The following LINGO2 variants were observed in gnomAD, a reference collection of about 807,000 sequenced individuals.
The protein encoded by LINGO2 is leucine-rich repeat and immunoglobulin-like domain-containing nogo receptor-interacting protein 2.
In LINGO2, 14 loss-of-function variants were observed where a neutral mutation model predicts 30.6. The observed-to-expected ratio is 0.46, with a 90% CI of 0.30 to 0.72. The LOEUF (loss-of-function observed/expected upper bound fraction) is 0.72, where lower values mean the gene tolerates loss of function less well. Among genes scored for constraint, LINGO2 ranks in the 30% least tolerant of loss-of-function variants. LINGO2 has a pLI of 0.07. For missense variants in LINGO2, 729 were observed against 751.7 expected (o/e 0.97, Z 0.35); for synonymous variants, 317 against 288.5 (o/e 1.10, Z -1.00).
At chr9:28,864,192 C>T in the LINGO2 span, among the ~76,000 whole-genome samples, 2 of 152,068 alleles carry the variant, frequency 1.3e-5, no homozygotes, top group African/African-American at 4.8e-5. Flanking sequence ...ATGACACAAG[C>T]TTACCAATGT....
intron 4 of LINGO2, among the ~76,000 whole-genome samples, chr9:28,014,188 A>G (rs1042102824): frequency 8.5e-5 from 13 of 152,174 alleles, no homozygotes; most frequent in African/African-American, 3.1e-4. Flanking sequence ...GCGCTCGAGC[A>G]TTTGGAAAAT....
intron 2 of LINGO2, among the ~76,000 whole-genome samples, chr9:28,442,435 G>A (rs1293282358): frequency 1.3e-5 from 2 of 151,968 alleles, no homozygotes; most frequent in East Asian, 3.9e-4. Context: ...ATCACACTGT[G>A]CCATGTAAAT....
rs111726909 is a variant in LINGO2 at position 28,027,742 on chromosome 9, C to T, written c.-86-15337G>A. On this transcript the variant is annotated intron_variant, in intron 4 of 5. Transcript: ENST00000379992. ...ATAAAGTATTTAGCACAATGAAACA[C>T]GTCATGTCTGCTTAGTAGATAAGAG... Among the ~76,000 whole-genome samples, 85 of 152,302 alleles carry T rather than the reference C, an allele frequency of 5.6e-4. 1 individual carries two copies. Among genetic ancestry groups the T allele is most frequent in the African/African-American group, 2.0e-3 (82 of 41,572 alleles).
chr9:28,819,219 A>C, the LINGO2 span, among the ~76,000 whole-genome samples: 1 of 151,922 alleles, frequency 6.6e-6, no homozygotes, highest in South Asian at 2.1e-4. Flanking sequence ...ATACTTGTCA[A>C]CCTCCTCGCT....
intron 4 of LINGO2, among the ~76,000 whole-genome samples, chr9:28,023,640 AT>A (rs1823241251): frequency 6.6e-6 from 1 of 152,196 alleles, no homozygotes; most frequent in South Asian, 2.1e-4. Flanking sequence ...AGTCAGAGAA[AT>A]ATATCTTTCT....
chr9:28,135,866 T>G (rs1175860760), intron 4 of LINGO2, among the ~76,000 whole-genome samples: 1 of 152,174 alleles, frequency 6.6e-6, no homozygotes, highest in Non-Finnish European at 1.5e-5. Context: ...TTCACAGCCC[T>G]TATCTCAAAC....
At chr9:28,865,454 G>A in the LINGO2 span, among the ~76,000 whole-genome samples, 76 of 152,104 alleles carry the variant, frequency 5.0e-4, no homozygotes, top group Admixed American at 1.1e-3. Context: ...TACTAGTTGG[G>A]TGGAATACAT....
the LINGO2 span, among the ~76,000 whole-genome samples, chr9:28,847,511 C>A: frequency 6.8e-6 from 1 of 146,860 alleles, no homozygotes; most frequent in Non-Finnish European, 1.5e-5. Flanking sequence ...TTTCTTCCTT[C>A]ACATGCCTTT....
At chr9:29,112,062 A>C in the LINGO2 span, among the ~76,000 whole-genome samples, 1 of 151,636 alleles carries the variant, frequency 6.6e-6, no homozygotes, top group Non-Finnish European at 1.5e-5. Context: ...TACATATGAT[A>C]TATAATATGT....
At chr9:28,760,895 T>G in the LINGO2 span, among the ~76,000 whole-genome samples, 3 of 149,452 alleles carry the variant, frequency 2.0e-5, no homozygotes, top group East Asian at 5.9e-4. Flanking sequence ...TATATATGTG[T>G]ATATATATGT....
intron 1 of LINGO2, among the ~76,000 whole-genome samples, chr9:28,599,627 T>G (rs937139859): frequency 1.3e-5 from 2 of 152,158 alleles, no homozygotes; most frequent in African/African-American, 4.8e-5. Flanking sequence ...GTTTAACTAC[T>G]TTTCTTCTCT....
At chr9:28,732,420 C>G in the LINGO2 span, among the ~76,000 whole-genome samples, 1 of 151,158 alleles carries the variant, frequency 6.6e-6, no homozygotes, top group Non-Finnish European at 1.5e-5. Context: ...TAAAACCACA[C>G]AAGTAAACAA....
At chr9:28,541,887 T>C (rs1034005260) in intron 1 of LINGO2, among the ~76,000 whole-genome samples, 12 of 152,086 alleles carry the variant, frequency 7.9e-5, no homozygotes, top group African/African-American at 2.7e-4. Context: ...TGGAAACATA[T>C]CTTAGTAACT....
At chr9:28,959,173 G>T in the LINGO2 span, among the ~76,000 whole-genome samples, 5 of 150,250 alleles carry the variant, frequency 3.3e-5, no homozygotes, top group African/African-American at 1.2e-4. Flanking sequence ...TTTTGAAATC[G>T]CTGGATTGGA....
At chr9:28,321,833 G>C (rs1459912147) in intron 3 of LINGO2, among the ~76,000 whole-genome samples, 1 of 152,022 alleles carries the variant, frequency 6.6e-6, no homozygotes, top group Non-Finnish European at 1.5e-5. Flanking sequence ...CCAATGAAGA[G>C]ATAGTTTCCC....
At chr9:28,258,226 T>C (rs998280909) in intron 4 of LINGO2, among the ~76,000 whole-genome samples, 2 of 151,926 alleles carry the variant, frequency 1.3e-5, no homozygotes, top group Non-Finnish European at 2.9e-5. Flanking sequence ...ATAGGACTTA[T>C]ATGTTCACTG....
chr9:28,475,429 T>G (rs1825690633), intron 2 of LINGO2, among the ~76,000 whole-genome samples: 1 of 152,176 alleles, frequency 6.6e-6, no homozygotes, highest in Non-Finnish European at 1.5e-5. Flanking sequence ...AGTCACATCA[T>G]CTGTTAATAG....
At chr9:28,212,571 TATAC>T (rs1287881572) in intron 4 of LINGO2, among the ~76,000 whole-genome samples, 2 of 151,464 alleles carry the variant, frequency 1.3e-5, no homozygotes, top group African/African-American at 4.8e-5. Flanking sequence ...TCTATATACA[TATAC>T]ATACACATGC....
At chr9:28,528,362 G>A (rs544019581) in intron 1 of LINGO2, among the ~76,000 whole-genome samples, 13 of 152,228 alleles carry the variant, frequency 8.5e-5, no homozygotes, top group African/African-American at 2.9e-4. Context: ...TTGACTGAAG[G>A]AGGTCTATGG....
Sources: allele counts gnomAD v4.1 joint callset (sites outside exome capture counted in the v4.1 genomes callset), GRCh38; gene constraint gnomAD v4.1.1; transcripts MANE v1.5; gene names NCBI Gene and HGNC (gene_info 2026-07-23, HGNC 2026-07-21).